REN: variants seen among roughly 807,000 people sequenced by gnomAD.
The protein encoded by REN is angiotensin-forming enzyme.
REN carries 42 observed loss-of-function variants against 48.6 expected under a neutral mutation model. The observed-to-expected ratio is 0.86, with a 90% confidence interval of 0.68 to 1.12. The LOEUF (loss-of-function observed/expected upper bound fraction) is 1.12. Among genes scored for constraint, REN ranks in the 50% most tolerant of loss-of-function variants. The pLI, the probability that REN is intolerant of heterozygous loss-of-function variation, is 0.00. For missense variants in REN, 443 were observed against 527.3 expected, an observed-to-expected ratio of 0.84 and a Z score of 1.57; for synonymous variants, 196 against 204.6, an observed-to-expected ratio of 0.96 and a Z score of 0.36.
intron 1 of REN, among the ~76,000 whole-genome samples, chr1:204,164,889 C>G (rs1658316965): frequency 6.6e-6 from 1 of 151,928 alleles, no homozygotes; most frequent in East Asian, 1.9e-4. Context: ...CTTAATGAAT[C>G]ACTTGTTCCC....
At chr1:204,162,750 G>C (rs1007622459) in intron 1 of REN, among the ~76,000 whole-genome samples, 2 of 152,250 alleles carry the variant, frequency 1.3e-5, no homozygotes, top group African/African-American at 4.8e-5. Context: ...GGCTGTGGTG[G>C]AGTGGACCCC....
Position 204,156,205 on chromosome 1 carries a change from G to A in REN, c.933C>T (p.Ala311=), listed in dbSNP as rs1571644578. Reference sequence around the variant, plus strand: ...CAAACAGCCTCTTCTTGGCTCCCAAGGCCTCCATGAGCTTCTCTATGGAGC... The same window carrying A: ...CAAACAGCCTCTTCTTGGCTCCCAAAGCCTCCATGAGCTTCTCTATGGAGC... The part of the protein sequence containing the change: ...STSSIEKLME[A]LGAKKRLFDY... Residue 311 remains alanine (A), a synonymous_variant, in exon 8 of 10, where the codon GCC becomes GCT. Coordinates refer to ENST00000272190, the MANE Select transcript of REN (RefSeq NM_000537.4). This position sits in a 1 kb window ranked among gnomAD's most constrained non-coding sequence, Gnocchi z 4.2. 6.2e-7 allele frequency: 1 copy of A among 1,614,220 alleles called. No individual in the cohort carries two copies. Among genetic ancestry groups the A allele is most frequent in the Non-Finnish European group, 8.5e-7 (1 of 1,180,038 alleles).
intron 4 of REN, among the ~76,000 whole-genome samples, chr1:204,159,927 C>A (rs1287716046): frequency 1.3e-5 from 2 of 152,176 alleles, no homozygotes; most frequent in Admixed American, 1.3e-4. Flanking sequence ...TGGCCCCCAC[C>A]CTTATCATGG....
intron 5 of REN, 87 bp from the exon 6 acceptor site, chr1:204,157,456 A>G: frequency 6.3e-7 from 1 of 1,583,020 alleles, no homozygotes; most frequent in Non-Finnish European, 8.7e-7. Flanking sequence ...GGTGTTATGT[A>G]CTCTCTTTGC....
rs141467355 is a variant in REN at position 204,162,031 on chromosome 1, G to A, written c.231C>T (p.Ile77=). The A allele has an allele frequency of 1.2e-6, 2 of 1,614,072 alleles. No homozygotes were observed. The highest frequency in any genetic ancestry group is 1.7e-6 in the Non-Finnish European group (2 of 1,180,044). Residue 77 remains isoleucine (I), a synonymous_variant, in exon 2 of 10, where the codon ATC becomes ATT. Coordinates refer to ENST00000272190, the MANE Select transcript of REN (RefSeq NM_000537.4). ...LTLGNTTSSV[I]LTNYMDTQYY... Reference sequence around the variant, plus strand: ...CACTCACGTCCATGTAGTTGGTGAGGATCACGGAGGAGGTGGTGTTGCCAA... The same window carrying A: ...CACTCACGTCCATGTAGTTGGTGAGAATCACGGAGGAGGTGGTGTTGCCAA...
chr1:204,155,987 T>C, intron 8 of REN, 69 bp from the exon 9 acceptor site: 1 of 1,460,776 alleles, frequency 6.8e-7, no homozygotes, highest in Admixed American at 1.7e-5. Flanking sequence ...AGTCCTGCGC[T>C]GGTGGCCTGG....
In REN at chr1:204,156,608, TC is replaced by T; in HGVS notation, c.818+68del. 6.3e-7 allele frequency: 1 copy of T among 1,592,850 alleles called. No individual in the cohort carries two copies. Among genetic ancestry groups the T allele is most frequent in the East Asian group, 2.2e-5 (1 of 44,700 alleles). On this transcript the variant is annotated intron_variant, in intron 7 of 9. Transcript: ENST00000272190. The surrounding 1 kb of genome is among the most constrained non-coding windows in gnomAD (Gnocchi z 4.2). ...GAGGGCAGGATGGTAATGCAGTCCT[TC>T]CCCACCCTCCCCAACCCCAGTGACG...
At chr1:204,160,415 A>ATG (rs1490448178) in intron 4 of REN, 145 bp downstream of exon 4, 7 of 718,240 alleles carry the variant, frequency 9.7e-6, no homozygotes, top group Non-Finnish European at 1.5e-5. Flanking sequence ...CAACAGCCAG[A>ATG]TGTGGCAGAG....
rs375015351 is a variant in REN, at chr1:204,156,260, G to A, written c.878C>T (p.Thr293Ile). 2 of 1,614,062 alleles carry A rather than the reference G, an allele frequency of 1.2e-6. No individual in the cohort carries two copies. Among genetic ancestry groups the A allele is most frequent in the Non-Finnish European group, 1.7e-6 (2 of 1,180,044 alleles). ...AGAACCTGAGATGTAGGATGCACCGGTGTCTACCAATGCCAGGCAGCCGTC... is the reference window on the plus strand; with the variant it reads ...AGAACCTGAGATGTAGGATGCACCGATGTCTACCAATGCCAGGCAGCCGTC... Reference protein sequence around the residue: ...CEDGCLALVDTGASYISGSTS... With the variant: ...CEDGCLALVDIGASYISGSTS... Residue 293 changes from threonine (T) to isoleucine (I), a missense_variant, in exon 8 of 10, where the codon ACC becomes ATC. Physicochemically the swap from Thr to Ile is moderately conservative, Grantham distance 89 (BLOSUM62 -1). Coordinates refer to ENST00000272190, the MANE Select transcript of REN (RefSeq NM_000537.4). The surrounding 1 kb of genome is among the most constrained non-coding windows in gnomAD (Gnocchi z 4.2).
At chr1:204,166,170 C>G (rs756989037) in intron 1 of REN, 26 bp downstream of exon 1, 136 of 1,599,328 alleles carry the variant, frequency 8.5e-5, no homozygotes, top group Non-Finnish European at 1.1e-4. Flanking sequence ...CCCTCCCACC[C>G]CTTCTCTGCC....
intron 4 of REN, among the ~76,000 whole-genome samples, 179 bp from the exon 5 acceptor site, chr1:204,159,774 C>T (rs1456850582): frequency 2.0e-5 from 3 of 152,178 alleles, no homozygotes; most frequent in East Asian, 1.9e-4. Context: ...ATCTCTGCTG[C>T]GGAGCCCAGA....
Position 204,162,151 on chromosome 1 carries a change from C to T in REN, c.111G>A (p.Lys37=), listed in dbSNP as rs1658258409. Residue 37 remains lysine (K), a synonymous_variant, in exon 2 of 10, where the codon AAG becomes AAA. Transcript: ENST00000272190. ...GGCTTTCTCGGATTGAGGGCATTCT[C>T]TTGAGGAAGATCCTGGCCCAGGGTG... ...DTTTFKRIFL[K]RMPSIRESLK... 21 of 1,614,038 alleles carry T rather than the reference C, an allele frequency of 1.3e-5. No homozygotes were observed. Among genetic ancestry groups the T allele is most frequent in the Non-Finnish European group, 1.8e-5 (21 of 1,180,036 alleles).
intron 1 of REN, among the ~76,000 whole-genome samples, chr1:204,164,928 G>C (rs984308734): frequency 6.6e-6 from 1 of 151,648 alleles, no homozygotes; most frequent in African/African-American, 2.4e-5. Flanking sequence ...GGGATGCTAA[G>C]GTTTTCTCCT....
At chr1:204,163,593 C>A (rs11571102) in intron 1 of REN, among the ~76,000 whole-genome samples, 3 of 152,054 alleles carry the variant, frequency 2.0e-5, no homozygotes, top group Non-Finnish European at 2.9e-5. Context: ...CCTTCCTTTT[C>A]CCCCCAGTTC....
intron 1 of REN, among the ~76,000 whole-genome samples, chr1:204,164,496 G>T (rs181044399): frequency 5.1e-4 from 76 of 150,148 alleles, no homozygotes; most frequent in Admixed American, 4.1e-3. Context: ...CATATCTGCT[G>T]TCCCCAGATT....
chr1:204,156,842 C>A lies in REN; in HGVS notation c.699-46G>T, dbSNP rs746770013. 1 of 1,610,606 alleles carries A rather than the reference C, an allele frequency of 6.2e-7. No individual in the cohort carries two copies. Reference sequence around the variant, plus strand: ...TCTTGGAAACCCATAACCTCCAGGACCCAGCAACTCAGGCAATTGGGGAAG... The same window carrying A: ...TCTTGGAAACCCATAACCTCCAGGAACCAGCAACTCAGGCAATTGGGGAAG... On this transcript the variant is annotated intron_variant, in intron 6 of 9. Coordinates refer to ENST00000272190, the MANE Select transcript of REN (RefSeq NM_000537.4). The surrounding 1 kb of genome is among the most constrained non-coding windows in gnomAD (Gnocchi z 4.2).
At position 204,162,031 on chromosome 1, in the gene REN, G is replaced by C. The variant is rs141467355; in HGVS notation, c.231C>G (p.Ile77Met). 1 of 1,614,072 alleles carries C rather than the reference G, an allele frequency of 6.2e-7. No homozygotes were observed. Among genetic ancestry groups the C allele is most frequent in the Non-Finnish European group, 8.5e-7 (1 of 1,180,044 alleles). The change falls in exon 2 of 10, where the codon ATC becomes ATG. Residue 77 changes from isoleucine (I) to methionine (M), a missense_variant. Coordinates refer to ENST00000272190, the MANE Select transcript of REN (RefSeq NM_000537.4). ...LTLGNTTSSVILTNYMDTQYY... is the reference protein window; with the variant it reads ...LTLGNTTSSVMLTNYMDTQYY... ...CACTCACGTCCATGTAGTTGGTGAG[G>C]ATCACGGAGGAGGTGGTGTTGCCAA...
chr1:204,164,495 T>C (rs1658303567), intron 1 of REN, among the ~76,000 whole-genome samples: 2 of 151,102 alleles, frequency 1.3e-5, no homozygotes, highest in East Asian at 4.0e-4. Context: ...TCATATCTGC[T>C]GTCCCCAGAT....
chr1:204,155,329 T>C, intron 9 of REN, 152 bp from the exon 10 acceptor site: 1 of 876,198 alleles, frequency 1.1e-6, no homozygotes, highest in Non-Finnish European at 1.8e-6. Context: ...TCATGGCCAT[T>C]TTGCCCCATC....
Sources: allele counts gnomAD v4.1 joint callset (sites outside exome capture counted in the v4.1 genomes callset), GRCh38; gene constraint gnomAD v4.1.1; non-coding constraint Gnocchi (gnomAD v3.1); transcripts MANE v1.5; gene names NCBI Gene and HGNC (gene_info 2026-07-23, HGNC 2026-07-21).